Variants in PRDM16 observed in about 807,000 individuals in gnomAD.
The protein encoded by PRDM16 is histone-lysine N-methyltransferase PRDM16.
In PRDM16, 23 loss-of-function variants were observed where a neutral mutation model predicts 110.6. That is an observed-to-expected ratio of 0.21 (90% CI 0.15 to 0.29). The LOEUF is 0.29. PRDM16 is among the 10% of genes least tolerant of loss of function. PRDM16 has a pLI of 1.00. For missense variants in PRDM16, 1,615 were observed against 1,794.3 expected, an observed-to-expected ratio of 0.90 and a Z score of 1.81; for synonymous variants, 799 against 781.8, an observed-to-expected ratio of 1.02 and a Z score of -0.37.
intron 2 of PRDM16, among the ~76,000 whole-genome samples, chr1:3,212,476 C>T (rs1415137955): frequency 1.3e-5 from 2 of 152,086 alleles, no homozygotes; most frequent in African/African-American, 2.4e-5. Context: ...GCAGAGGTGG[C>T]CAAGGCCCCT....
chr1:3,412,123 C>G lies in PRDM16; in HGVS notation c.1926C>G (p.Ser642=). The change falls in exon 9 of 17, where the codon TCC becomes TCG. Residue 642 remains serine, a synonymous_variant. Coordinates refer to ENST00000270722, the MANE Select transcript of PRDM16 (RefSeq NM_022114.4). ...ACAAGGACAAGGGCAAGGGCAAGTCCGCCGAGGGCCAGCCCAAGTTTGGGG... is the reference window on the plus strand; with the variant it reads ...ACAAGGACAAGGGCAAGGGCAAGTCGGCCGAGGGCCAGCCCAAGTTTGGGG... ...DPDKDKGKGK[S]AEGQPKFGGG... is the part of the protein sequence containing the mutation. The G allele has an allele frequency of 6.4e-7, 1 of 1,566,384 alleles. No individual in the cohort carries two copies. Among genetic ancestry groups the G allele is most frequent in the Middle Eastern group, 1.7e-4 (1 of 5,820 alleles).
At chr1:3,318,080 C>T (rs941569044) in intron 3 of PRDM16, among the ~76,000 whole-genome samples, 4 of 152,146 alleles carry the variant, frequency 2.6e-5, no homozygotes, top group African/African-American at 4.8e-5. Flanking sequence ...GCAAAGGGTT[C>T]GGGGTAATTG....
intron 3 of PRDM16, among the ~76,000 whole-genome samples, chr1:3,281,731 C>G (rs1201498715): frequency 6.6e-6 from 1 of 152,186 alleles, no homozygotes; most frequent in Admixed American, 6.5e-5. Context: ...TTGATGTGCT[C>G]TGATTGGGTT....
intron 3 of PRDM16, among the ~76,000 whole-genome samples, chr1:3,343,720 G>A (rs1336837378): frequency 3.3e-5 from 5 of 151,858 alleles, no homozygotes; most frequent in Non-Finnish European, 5.9e-5. Context: ...TACAAGCTCC[G>A]CCTCCCGGGT....
chr1:3,340,818 A>T (rs963564152), intron 3 of PRDM16, among the ~76,000 whole-genome samples: 1 of 152,206 alleles, frequency 6.6e-6, no homozygotes, highest in Non-Finnish European at 1.5e-5. Context: ...GTGGGGCAGA[A>T]GTCATGGGGT....
In PRDM16 at chr1:3,290,962, G is replaced by A. The variant is rs1260693462; in HGVS notation, c.438+46825G>A. Among the ~76,000 whole-genome samples the A allele has an allele frequency of 6.6e-6, 1 of 152,054 alleles. No individual in the cohort carries two copies. Among genetic ancestry groups the A allele is most frequent in the Non-Finnish European group, 1.5e-5 (1 of 68,018 alleles). ...TCGGGGGCCTTATTAACCTTCTTACGATGTGATAGGAGCGGCTTGGCCTCC... is the reference window on the plus strand; with the variant it reads ...TCGGGGGCCTTATTAACCTTCTTACAATGTGATAGGAGCGGCTTGGCCTCC... On this transcript the variant is annotated intron_variant, in intron 3 of 16. Coordinates refer to ENST00000270722, the MANE Select transcript of PRDM16 (RefSeq NM_022114.4). The surrounding 1 kb of genome is among the most constrained non-coding windows in gnomAD (Gnocchi z 4.8).
intron 2 of PRDM16, among the ~76,000 whole-genome samples, chr1:3,227,533 C>A (rs2817154): frequency 6.6e-6 from 1 of 152,214 alleles, no homozygotes; most frequent in Non-Finnish European, 1.5e-5. Flanking sequence ...GACAGTCCAG[C>A]GTGGGGCCGC....
intron 3 of PRDM16, among the ~76,000 whole-genome samples, chr1:3,305,032 G>T (rs1570031199): frequency 6.6e-6 from 1 of 152,330 alleles, no homozygotes; most frequent in East Asian, 1.9e-4. Context: ...ACTGTGTTGA[G>T]AAACGGATGA....
intron 3 of PRDM16, among the ~76,000 whole-genome samples, chr1:3,284,050 G>A (rs932492104): frequency 6.6e-6 from 1 of 152,192 alleles, no homozygotes; most frequent in African/African-American, 2.4e-5. Context: ...GGCCTGGGGG[G>A]GCCTGGAGCT....
At chr1:3,314,304 G>A (rs185897946) in intron 3 of PRDM16, among the ~76,000 whole-genome samples, 1 of 152,262 alleles carries the variant, frequency 6.6e-6, no homozygotes, top group East Asian at 1.9e-4. Flanking sequence ...TCTCAACCCT[G>A]GTGTGCCCTA....
At chr1:3,197,360 C>T (rs879377237) in intron 2 of PRDM16, among the ~76,000 whole-genome samples, 15 of 152,184 alleles carry the variant, frequency 9.9e-5, no homozygotes, top group East Asian at 1.9e-4. Flanking sequence ...GCCATCACAG[C>T]GGCCCCAGCT....
intron 3 of PRDM16, among the ~76,000 whole-genome samples, chr1:3,276,339 G>A (rs914856295): frequency 3.3e-5 from 5 of 152,186 alleles, no homozygotes; most frequent in African/African-American, 9.6e-5. Context: ...CTCCAGCAGC[G>A]ACCAGGCCTC....
rs1188697029 is a variant in PRDM16 at position 3,209,644 on chromosome 1, T to C, written c.387+23170T>C. ...TTCGGGATCCTTTGTCGAGACCAAT[T>C]GGCCACAAATGCCACCTCCTGCTTC... On this transcript the variant is annotated intron_variant, in intron 2 of 16. Transcript: ENST00000270722. This position sits in a 1 kb window ranked among gnomAD's most constrained non-coding sequence, Gnocchi z 4.6. 6.6e-6 allele frequency among the ~76,000 whole-genome samples: 1 copy of C among 152,192 alleles called. No individual in the cohort carries two copies. The highest frequency in any genetic ancestry group is 2.4e-5 in the African/African-American group (1 of 41,446).
At position 3,390,485 on chromosome 1, in the gene PRDM16, C is replaced by G. The variant is rs1420549498; in HGVS notation, c.573+5199C>G. 6.6e-6 allele frequency among the ~76,000 whole-genome samples: 1 copy of G among 152,228 alleles called. No homozygotes were observed. Among genetic ancestry groups the G allele is most frequent in the African/African-American group, 2.4e-5 (1 of 41,464 alleles). Reference sequence around the variant, plus strand: ...ACAAACCCCAAAACCCCAGGGCCTTCCAGGGGCAGAGCAGGGGTCCCGGCG... The same window carrying G: ...ACAAACCCCAAAACCCCAGGGCCTTGCAGGGGCAGAGCAGGGGTCCCGGCG... On this transcript the variant is annotated intron_variant, in intron 4 of 16. Coordinates refer to ENST00000270722, the MANE Select transcript of PRDM16 (RefSeq NM_022114.4). This position sits in a 1 kb window ranked among gnomAD's most constrained non-coding sequence, Gnocchi z 5.0.
At chr1:3,207,706 C>G (rs908827925) in intron 2 of PRDM16, 2 of 152,272 alleles carry the variant, frequency 1.3e-5, no homozygotes, top group African/African-American at 4.8e-5. Flanking sequence ...AGTTCCGCCT[C>G]GCAGAATGAG....
chr1:3,407,827 G>A lies in PRDM16; in HGVS notation c.1186+2179G>A, dbSNP rs1161641735. ...GAGTGAGGACAGGGAAACTCAACTGGCCCTGCCCCGCCTCGGCGACTCTTG... is the reference window on the plus strand; with the variant it reads ...GAGTGAGGACAGGGAAACTCAACTGACCCTGCCCCGCCTCGGCGACTCTTG... On this transcript the variant is annotated intron_variant, in intron 8 of 16. Transcript: ENST00000270722. Among the ~76,000 whole-genome samples the A allele has an allele frequency of 3.9e-5, 6 of 152,318 alleles. No individual in the cohort carries two copies. In the East Asian group the frequency reaches 1.2e-3, roughly 29 times the overall value.
rs141165959 is a variant in PRDM16, at chr1:3,261,821, G to A, written c.438+17684G>A. 1.4e-3 allele frequency among the ~76,000 whole-genome samples: 206 copies of A among 152,244 alleles called. 1 individual carries two copies. Among genetic ancestry groups the A allele is most frequent in the Non-Finnish European group, 2.4e-3 (161 of 68,022 alleles). On this transcript the variant is annotated intron_variant, in intron 3 of 16. Transcript: ENST00000270722. ...CTCCATCCTGGCTCCGTTCAGAAACGTGCCCCAGGGACCAGGTTTGCTCAG... is the reference window on the plus strand; with the variant it reads ...CTCCATCCTGGCTCCGTTCAGAAACATGCCCCAGGGACCAGGTTTGCTCAG...
chr1:3,430,809 T>TG, intron 14 of PRDM16, 63 bp from the exon 15 acceptor site: 1 of 1,587,444 alleles, frequency 6.3e-7, no homozygotes, highest in Non-Finnish European at 8.6e-7. Flanking sequence ...CACCAGCCTT[T>TG]GGGGGTCCAT....
intron 5 of PRDM16, among the ~76,000 whole-genome samples, chr1:3,402,269 C>CA (rs938460869): frequency 1.7e-4 from 5 of 29,566 alleles, no homozygotes; most frequent in Non-Finnish European, 3.5e-4. Flanking sequence ...GGGCCCAGAG[C>CA]CCCCCACCGG....
Sources: gnomAD v4.1 joint callset for allele counts (sites outside exome capture counted in the v4.1 genomes callset) on GRCh38, gnomAD v4.1.1 for gene constraint, Gnocchi (gnomAD v3.1) non-coding constraint, MANE v1.5 for transcripts, NCBI Gene and HGNC (gene_info 2026-07-23, HGNC 2026-07-21) for gene names.